ZNF90: variants seen among roughly 807,000 people sequenced by gnomAD.
ZNF90 encodes the protein zinc finger protein HTF9.
Under a neutral mutation model 12.0 loss-of-function variants are expected in ZNF90, and 11 were observed. That is an observed-to-expected ratio of 0.92 (90% CI 0.58 to 1.52). ZNF90 has a LOEUF of 1.52. Among genes scored for constraint, ZNF90 ranks in the 40% most tolerant of loss-of-function variants. The pLI is 0.00. For missense variants in ZNF90, 765 were observed against 711.5 expected (o/e 1.08, Z -0.86); for synonymous variants, 232 against 240.1 (o/e 0.97, Z 0.31).
In ZNF90 at chr19:20,095,566, G is replaced by T. The variant is rs189852249; in HGVS notation, c.4-8673G>T. ...TACCCTCCAGAAAAGCAGGAAGGGG[G>T]GTCAGGGCATGGAAATAAGGGATTG... On this transcript the variant is annotated intron_variant, in intron 1 of 3. Coordinates refer to ENST00000418063, the MANE Select transcript of ZNF90 (RefSeq NM_007138.2). Among the ~76,000 whole-genome samples, 457 of 152,088 alleles carry T rather than the reference G, an allele frequency of 3.0e-3. 4 individuals carry two copies. The highest frequency in any genetic ancestry group is 0.011 in the African/African-American group (440 of 41,448).
intron 3 of ZNF90, among the ~76,000 whole-genome samples, chr19:20,116,967 A>G (rs1555705718): frequency 7.0e-6 from 1 of 143,198 alleles, no homozygotes; most frequent in African/African-American, 2.8e-5. Flanking sequence ...TGTATGTGCC[A>G]ATGTTTTTCT....
At chr19:20,089,776 T>C (rs2088887643) in intron 1 of ZNF90, among the ~76,000 whole-genome samples, 1 of 151,994 alleles carries the variant, frequency 6.6e-6, no homozygotes, top group Non-Finnish European at 1.5e-5. Context: ...TTCGGAGGTG[T>C]AGGGAGACGG....
intron 1 of ZNF90, among the ~76,000 whole-genome samples, chr19:20,103,442 G>A (rs2089006127): frequency 6.6e-6 from 1 of 152,208 alleles, no homozygotes; most frequent in African/African-American, 2.4e-5. Flanking sequence ...TTTCAACAGT[G>A]ATGCTGTATT....
intron 1 of ZNF90, among the ~76,000 whole-genome samples, chr19:20,092,449 G>C (rs1193229396): frequency 6.6e-6 from 1 of 152,176 alleles, no homozygotes; most frequent in Non-Finnish European, 1.5e-5. Context: ...CTTCGGCTGT[G>C]TGTAATGAAA....
intron 1 of ZNF90, among the ~76,000 whole-genome samples, chr19:20,087,832 G>A (rs944951573): frequency 2.0e-5 from 3 of 152,150 alleles, no homozygotes; most frequent in Non-Finnish European, 4.4e-5. Flanking sequence ...ATTTCGGTAG[G>A]TAAAGGAAAA....
chr19:20,088,274 G>T (rs559848350), intron 1 of ZNF90, among the ~76,000 whole-genome samples: 2 of 152,082 alleles, frequency 1.3e-5, no homozygotes, highest in Non-Finnish European at 2.9e-5. Flanking sequence ...TTGGGGGGGC[G>T]TGGGAACCTA....
chr19:20,099,106 C>T (rs1221673622), intron 1 of ZNF90, among the ~76,000 whole-genome samples: 1 of 152,086 alleles, frequency 6.6e-6, no homozygotes, highest in Admixed American at 6.6e-5. Flanking sequence ...ATTTAGGCCA[C>T]TTTCTTTATG....
In ZNF90 at chr19:20,088,081, A is replaced by T. The variant is rs1181943423; in HGVS notation, c.3+9946A>T. 2.0e-5 allele frequency among the ~76,000 whole-genome samples: 3 copies of T among 152,202 alleles called. No homozygotes were observed. In the East Asian group the frequency reaches 5.8e-4, roughly 29 times the overall value. ...CAGTTACTTCAGACCATCTGGGCAT[A>T]TACGTGCAGGTCACAGGGGATGCGA... On this transcript the variant is annotated intron_variant, in intron 1 of 3. Coordinates refer to ENST00000418063, the MANE Select transcript of ZNF90 (RefSeq NM_007138.2).
rs1449224833 is a variant in ZNF90 at position 20,117,214 on chromosome 19, T to G, written c.227-567T>G. ...CCTGTTACCATGCCTGGCTAATATT[T>G]TGTATTTTTAGTACAGATGGGGTTT... On this transcript the variant is annotated intron_variant, in intron 3 of 3. Transcript: ENST00000418063. 2.6e-5 allele frequency among the ~76,000 whole-genome samples: 4 copies of G among 151,946 alleles called. No individual in the cohort carries two copies. The East Asian group carries it at 7.8e-4, about 30-fold the overall frequency.
intron 3 of ZNF90, among the ~76,000 whole-genome samples, chr19:20,111,600 G>A (rs1283241451): frequency 6.6e-6 from 1 of 151,864 alleles, no homozygotes; most frequent in Non-Finnish European, 1.5e-5. Context: ...TAATAGTTAT[G>A]TTCTCATTTC....
chr19:20,120,517 A>T lies in ZNF90; in HGVS notation c.*1157A>T, dbSNP rs555073280. 3.3e-4 allele frequency among the ~76,000 whole-genome samples: 50 copies of T among 152,156 alleles called. No homozygotes were observed. In the South Asian group the frequency reaches 4.4e-3, roughly 13 times the overall value. ...GCAAATGTAGTGAATTTGGAAACAA[A>T]TTTTTTTTCAAAAACTACAGCTTAG... On this transcript the variant is annotated 3_prime_UTR_variant, in exon 4 of 4. Coordinates refer to ENST00000418063, the MANE Select transcript of ZNF90 (RefSeq NM_007138.2).
Position 20,119,623 on chromosome 19 carries a change from T to TG in ZNF90, c.*263_*264insG. The TG allele has an allele frequency of 7.8e-6, 1 of 128,274 alleles. No individual in the cohort carries two copies. The highest frequency in any genetic ancestry group is 1.4e-5 in the Non-Finnish European group (1 of 70,038). 7.9% of individuals were successfully genotyped at this position (128,274 alleles called of 1,614,324 possible). ...AAAGCCTATAACAAGTTCTCAATTC[T>TG]TTTTTTTTTTTTTTAAGAAGGAGTT... is the stretch of plus-strand genomic sequence containing the variant. On this transcript the variant is annotated 3_prime_UTR_variant, in exon 4 of 4. Transcript: ENST00000418063.
At chr19:20,097,783 A>T (rs1296001004) in intron 1 of ZNF90, among the ~76,000 whole-genome samples, 7 of 152,230 alleles carry the variant, frequency 4.6e-5, no homozygotes, top group Admixed American at 4.6e-4. Context: ...ATTCAAATGT[A>T]TGTATCTGTT....
At chr19:20,079,953 G>C in intron 1 of ZNF90, 1 of 153,106 alleles carries the variant, frequency 6.5e-6, no homozygotes, top group Non-Finnish European at 1.2e-5. Context: ...TTTTTTTTTT[G>C]AGATGAAGTT....
rs1555705930 is a variant in ZNF90 at position 20,118,134 on chromosome 19, A to G, written c.580A>G (p.Ile194Val). ...CTCAACCCTTGCTACACATAAGAAA[A>G]TTCATACTGGAGAGATAACCTGCAA... ...QSSTLATHKK[I>V]HTGEITCKCE... Residue 194 changes from isoleucine (I) to valine (V), a missense_variant, in exon 4 of 4, where the codon ATT becomes GTT. Coordinates refer to ENST00000418063, the MANE Select transcript of ZNF90 (RefSeq NM_007138.2). The G allele has an allele frequency of 6.2e-7, 1 of 1,610,884 alleles. No individual in the cohort carries two copies.
At chr19:20,093,406 G>A (rs1293639721) in intron 1 of ZNF90, among the ~76,000 whole-genome samples, 9 of 152,032 alleles carry the variant, frequency 5.9e-5, no homozygotes, top group Non-Finnish European at 1.5e-5. Context: ...TTAATGGGAT[G>A]GTAATGGGCA....
chr19:20,111,912 A>G (rs2089092807), intron 3 of ZNF90, among the ~76,000 whole-genome samples: 1 of 150,982 alleles, frequency 6.6e-6, no homozygotes, highest in Admixed American at 6.6e-5. Context: ...AGGCTGGAGT[A>G]CAGTGGCATG....
chr19:20,101,692 A>G (rs1223592288), intron 1 of ZNF90, among the ~76,000 whole-genome samples: 3 of 152,168 alleles, frequency 2.0e-5, no homozygotes, highest in Admixed American at 1.3e-4. Context: ...CTTTAAAGGC[A>G]TATTCTCCAG....
chr19:20,092,213 G>A (rs2088908359), intron 1 of ZNF90, among the ~76,000 whole-genome samples: 2 of 152,216 alleles, frequency 1.3e-5, no homozygotes, highest in Admixed American at 6.5e-5. Flanking sequence ...AAGTATATGT[G>A]TCAGGTGTGA....
Sources: gnomAD v4.1 joint callset for allele counts (sites outside exome capture counted in the v4.1 genomes callset) on GRCh38, gnomAD v4.1.1 for gene constraint, MANE v1.5 for transcripts, NCBI Gene and HGNC (gene_info 2026-07-23, HGNC 2026-07-21) for gene names.